The following SLIT3 variants were observed in gnomAD, a reference collection of about 807,000 sequenced individuals.
SLIT3 encodes the protein slit homolog 3 protein.
Under a neutral mutation model 184.0 loss-of-function variants are expected in SLIT3, and 68 were observed. That is an observed-to-expected ratio of 0.37 (90% CI 0.30 to 0.45). The LOEUF (loss-of-function observed/expected upper bound fraction) is 0.45, where lower values mean the gene tolerates loss of function less well. Among genes scored for constraint, SLIT3 ranks in the 20% least tolerant of loss-of-function variants. The pLI is 1.00. For synonymous variants in SLIT3, 831 were observed against 828.6 expected, an observed-to-expected ratio of 1.00 and a Z score of -0.05; for missense variants, 1,707 against 2,026.0, an observed-to-expected ratio of 0.84 and a Z score of 3.02.
intron 4 of SLIT3, among the ~76,000 whole-genome samples, chr5:169,105,070 T>C (rs900167313): frequency 6.6e-6 from 1 of 152,214 alleles, no homozygotes; most frequent in Middle Eastern, 3.2e-3. Flanking sequence ...AATCTTTCCA[T>C]TTCCCTTTGT....
intron 7 of SLIT3, among the ~76,000 whole-genome samples, chr5:168,819,851 T>G (rs1484667733): frequency 6.6e-6 from 1 of 152,100 alleles, no homozygotes; most frequent in East Asian, 1.9e-4. Flanking sequence ...AATAGAAATT[T>G]TTCTCCTCCC....
intron 4 of SLIT3, among the ~76,000 whole-genome samples, chr5:168,975,860 G>A (rs111931856): frequency 1.6e-4 from 25 of 152,232 alleles, no homozygotes; most frequent in African/African-American, 4.3e-4. Context: ...CCAGAGCTAC[G>A]GGTGGGCGTC....
At chr5:168,991,388 TCAC>T (rs1755321631) in intron 4 of SLIT3, among the ~76,000 whole-genome samples, 1 of 152,326 alleles carries the variant, frequency 6.6e-6, no homozygotes, top group South Asian at 2.1e-4. Flanking sequence ...CATGGGGCAG[TCAC>T]CTGCCTGGCT....
chr5:168,773,908 A>G (rs543751202), intron 13 of SLIT3, among the ~76,000 whole-genome samples: 2 of 152,168 alleles, frequency 1.3e-5, no homozygotes, highest in Non-Finnish European at 2.9e-5. Context: ...CCTGCTCCTT[A>G]CTAGCTGTGT....
intron 4 of SLIT3, among the ~76,000 whole-genome samples, chr5:169,064,095 A>G (rs953677198): frequency 2.0e-5 from 3 of 152,196 alleles, no homozygotes; most frequent in African/African-American, 7.2e-5. Flanking sequence ...TTACAAATGA[A>G]CACCTTTCCA....
chr5:169,283,915 AG>A (rs1311834505), intron 1 of SLIT3, among the ~76,000 whole-genome samples: 11 of 152,274 alleles, frequency 7.2e-5, no homozygotes, highest in African/African-American at 2.6e-4. Flanking sequence ...GGCTCCTGGG[AG>A]GTCTTAGGGA....
intron 4 of SLIT3, among the ~76,000 whole-genome samples, chr5:169,067,467 G>T (rs1011648241): frequency 2.0e-5 from 3 of 152,128 alleles, no homozygotes; most frequent in Non-Finnish European, 4.4e-5. Context: ...AGGCAGTGTG[G>T]TTCCTGGGAC....
At chr5:169,154,607 A>T (rs1007531569) in intron 4 of SLIT3, among the ~76,000 whole-genome samples, 2 of 152,264 alleles carry the variant, frequency 1.3e-5, no homozygotes, top group African/African-American at 4.8e-5. Flanking sequence ...AAACTCGAAC[A>T]TGTTCCTCAA....
At chr5:168,834,245 T>C (rs1196018355) in intron 6 of SLIT3, among the ~76,000 whole-genome samples, 2 of 152,096 alleles carry the variant, frequency 1.3e-5, no homozygotes, top group Non-Finnish European at 2.9e-5. Context: ...GTGGAAGTCA[T>C]TTGCAAGGCT....
chr5:168,758,694 G>A (rs563396522), intron 16 of SLIT3, among the ~76,000 whole-genome samples: 12 of 152,290 alleles, frequency 7.9e-5, no homozygotes, highest in Non-Finnish European at 2.9e-5. Flanking sequence ...AGGCAGGGAC[G>A]GAGGGAGGAA....
At chr5:168,702,436 G>A (rs1174586353) in intron 26 of SLIT3, among the ~76,000 whole-genome samples, 1 of 152,118 alleles carries the variant, frequency 6.6e-6, no homozygotes, top group Non-Finnish European at 1.5e-5. Context: ...GTTAGTGCTG[G>A]GAGCCTCTAT....
At chr5:168,957,753 A>C (rs1489814297) in intron 4 of SLIT3, among the ~76,000 whole-genome samples, 3 of 143,306 alleles carry the variant, frequency 2.1e-5, no homozygotes, top group Admixed American at 7.0e-5. Context: ...ATTCTGTTGC[A>C]CCCTCCACTG....
chr5:169,226,627 C>T (rs536059509), intron 3 of SLIT3, among the ~76,000 whole-genome samples: 8 of 152,296 alleles, frequency 5.3e-5, no homozygotes, highest in African/African-American at 7.2e-5. Flanking sequence ...GCACCAAGCA[C>T]AGTGTGAGAC....
intron 14 of SLIT3, among the ~76,000 whole-genome samples, chr5:168,767,992 C>G (rs1316290883): frequency 1.3e-5 from 2 of 152,056 alleles, no homozygotes; most frequent in Non-Finnish European, 2.9e-5. Flanking sequence ...TTCTCCAGAC[C>G]CATTTCCCTC....
intron 4 of SLIT3, among the ~76,000 whole-genome samples, chr5:168,905,024 G>A (rs35781025): frequency 0.42 from 64,453 of 151,786 alleles, 14,451 homozygotes; most frequent in East Asian, 0.71. Flanking sequence ...ATAAAAATAA[G>A]AAATTAGCTG....
Position 168,857,603 on chromosome 5 carries a change from C to T in SLIT3, c.486-12948G>A, listed in dbSNP as rs991603312. On this transcript the variant is annotated intron_variant, in intron 5 of 35. Coordinates refer to ENST00000519560, the MANE Select transcript of SLIT3 (RefSeq NM_003062.4). ...CAGGGCTGCTGAGTTTTAATTCAGT[C>T]CCTGAGTCCTCACATGAAGTTTTTC... is the stretch of plus-strand genomic sequence containing the variant. Among the ~76,000 whole-genome samples, 9 of 152,236 alleles carry T rather than the reference C, an allele frequency of 5.9e-5. No homozygotes were observed. The East Asian group carries it at 1.7e-3, about 29-fold the overall frequency.
Position 168,875,984 on chromosome 5 carries a change from G to A in SLIT3, c.485+7281C>T, listed in dbSNP as rs1759716254. On this transcript the variant is annotated intron_variant, in intron 5 of 35. Coordinates refer to ENST00000519560, the MANE Select transcript of SLIT3 (RefSeq NM_003062.4). Reference sequence around the variant, plus strand: ...GGAACTTGCTGCACTTCCCAGAGATGATAAATCTGCATGGCCTTGCCTCGG... The same window carrying A: ...GGAACTTGCTGCACTTCCCAGAGATAATAAATCTGCATGGCCTTGCCTCGG... Among the ~76,000 whole-genome samples the A allele has an allele frequency of 3.3e-5, 5 of 152,102 alleles. No individual in the cohort carries two copies. The South Asian group carries it at 1.0e-3, about 32-fold the overall frequency.
At chr5:169,117,874 C>T (rs762731197) in intron 4 of SLIT3, among the ~76,000 whole-genome samples, 1 of 152,134 alleles carries the variant, frequency 6.6e-6, no homozygotes, top group African/African-American at 2.4e-5. Context: ...TACGTGACAC[C>T]CAAGAACAGG....
intron 8 of SLIT3, among the ~76,000 whole-genome samples, chr5:168,815,769 G>A (rs923616533): frequency 4.6e-5 from 7 of 152,240 alleles, no homozygotes; most frequent in Non-Finnish European, 1.0e-4. Context: ...TGTGATCTAA[G>A]AGCAGAAGAG....
Sources: gnomAD v4.1 joint callset for allele counts (sites outside exome capture counted in the v4.1 genomes callset) on GRCh38, gnomAD v4.1.1 for gene constraint, MANE v1.5 for transcripts, NCBI Gene and HGNC (gene_info 2026-07-23, HGNC 2026-07-21) for gene names.